DNAJC24: variants seen among roughly 807,000 people sequenced by gnomAD.
DNAJC24 encodes the protein DnaJ heat shock protein family (Hsp40) member C24.
Under a neutral mutation model 18.0 loss-of-function variants are expected in DNAJC24, and 17 were observed. The ratio of observed to expected loss-of-function variants is 0.94; its 90% CI spans 0.65 to 1.42. DNAJC24 has a LOEUF of 1.42. Among genes scored for constraint, DNAJC24 ranks in the 40% most tolerant of loss-of-function variants. The probability of loss-of-function intolerance (pLI) is 0.00; values close to 1 mark genes in which losing one functional copy is unlikely to be tolerated. For synonymous variants in DNAJC24, 55 were observed against 57.7 expected, an observed-to-expected ratio of 0.95 and a Z score of 0.21; for missense variants, 158 against 175.6, an observed-to-expected ratio of 0.90 and a Z score of 0.57.
chr11:31,389,663 C>T (rs1272280061), intron 2 of DNAJC24, among the ~76,000 whole-genome samples: 1 of 152,180 alleles, frequency 6.6e-6, no homozygotes, highest in African/African-American at 2.4e-5. Context: ...ATGGACCTAC[C>T]TGATAGATAT....
chr11:31,380,730 C>T (rs1054294256), intron 2 of DNAJC24, among the ~76,000 whole-genome samples: 6 of 152,128 alleles, frequency 3.9e-5, no homozygotes, highest in African/African-American at 1.4e-4. Context: ...TGAGTCTTGA[C>T]TACATGTATG....
At chr11:31,422,588 A>G (rs1329353120) in intron 3 of DNAJC24, among the ~76,000 whole-genome samples, 1 of 152,162 alleles carries the variant, frequency 6.6e-6, no homozygotes, top group African/African-American at 2.4e-5. Flanking sequence ...TTTTCTAGAT[A>G]CCTATTAAAA....
At chr11:31,400,978 A>T (rs1414163636) in intron 2 of DNAJC24, among the ~76,000 whole-genome samples, 1 of 152,246 alleles carries the variant, frequency 6.6e-6, no homozygotes, top group African/African-American at 2.4e-5. Flanking sequence ...GAATCTACCC[A>T]TCTGACAAAG....
intron 4 of DNAJC24, among the ~76,000 whole-genome samples, chr11:31,429,253 C>T (rs1591925331): frequency 6.6e-6 from 1 of 150,412 alleles, no homozygotes; most frequent in East Asian, 1.9e-4. Flanking sequence ...ATAAAGTTAG[C>T]TTATTTAATT....
chr11:31,427,826 A>G (rs1952877944), intron 4 of DNAJC24: 1 of 151,734 alleles, frequency 6.6e-6, no homozygotes, highest in African/African-American at 2.4e-5. Flanking sequence ...TTAAGATCTT[A>G]ATTTTAAATG....
At chr11:31,421,820 A>G (rs1012526627) in intron 3 of DNAJC24, among the ~76,000 whole-genome samples, 4 of 151,920 alleles carry the variant, frequency 2.6e-5, no homozygotes, top group Non-Finnish European at 4.4e-5. Flanking sequence ...AATGGAGCTG[A>G]AAAAAAACCT....
intron 3 of DNAJC24, among the ~76,000 whole-genome samples, chr11:31,417,588 T>C (rs1277011983): frequency 1.3e-5 from 2 of 152,144 alleles, no homozygotes; most frequent in Non-Finnish European, 2.9e-5. Flanking sequence ...AGCTTTGTTA[T>C]ACAGAACTCT....
intron 3 of DNAJC24, among the ~76,000 whole-genome samples, chr11:31,424,492 T>C (rs1435803008): frequency 3.3e-5 from 5 of 152,190 alleles, no homozygotes; most frequent in Non-Finnish European, 7.4e-5. Flanking sequence ...AGAAGAATTT[T>C]TTAAAAATAG....
chr11:31,372,119 G>A (rs934659969), intron 2 of DNAJC24, among the ~76,000 whole-genome samples: 2 of 151,424 alleles, frequency 1.3e-5, no homozygotes, highest in Non-Finnish European at 2.9e-5. Flanking sequence ...CACTGCACCC[G>A]GCCGACTCTT....
intron 3 of DNAJC24, chr11:31,417,287 A>T (rs569950464): frequency 2.0e-5 from 3 of 152,250 alleles, no homozygotes; most frequent in South Asian, 2.1e-4. Context: ...TAAGCCTTTC[A>T]TACCAGAGCT....
At chr11:31,403,565 GT>G (rs1353110158) in intron 2 of DNAJC24, among the ~76,000 whole-genome samples, 1 of 152,174 alleles carries the variant, frequency 6.6e-6, no homozygotes, top group East Asian at 1.9e-4. Context: ...AATACTTGGG[GT>G]CAGCATAAAA....
At chr11:31,378,934 T>G (rs1564946563) in intron 2 of DNAJC24, among the ~76,000 whole-genome samples, 1 of 152,162 alleles carries the variant, frequency 6.6e-6, no homozygotes, top group African/African-American at 2.4e-5. Flanking sequence ...TTCATTTTCT[T>G]TTATCTTAGC....
chr11:31,418,345 C>A (rs1234688066), intron 3 of DNAJC24, among the ~76,000 whole-genome samples: 2 of 152,028 alleles, frequency 1.3e-5, no homozygotes, highest in East Asian at 3.9e-4. Context: ...GATTTTGTTG[C>A]CTTTATAAAT....
rs1197753637 is a variant in DNAJC24, at chr11:31,431,509, G to A, written c.*1108G>A. The A allele has an allele frequency of 1.3e-5, 2 of 148,804 alleles. No homozygotes were observed. The highest frequency in any genetic ancestry group is 3.0e-5 in the Non-Finnish European group (2 of 67,156). 9.2% of individuals were successfully genotyped at this position (148,804 alleles called of 1,614,324 possible). On this transcript the variant is annotated 3_prime_UTR_variant, in exon 5 of 5. Transcript: ENST00000465995. ...GGTGCATTATTTCCCCTTTTATTTT[G>A]GAGTGTTGATATAATATTGGGGCCA...
At chr11:31,410,087 T>C (rs1952693600) in intron 2 of DNAJC24, among the ~76,000 whole-genome samples, 1 of 152,040 alleles carries the variant, frequency 6.6e-6, no homozygotes, top group Non-Finnish European at 1.5e-5. Context: ...TTCACCATGG[T>C]GGTCAGGCTA....
intron 4 of DNAJC24, among the ~76,000 whole-genome samples, chr11:31,429,279 G>C (rs1952895300): frequency 6.6e-6 from 1 of 150,792 alleles, no homozygotes; most frequent in South Asian, 2.1e-4. Context: ...TTTTTCCAAG[G>C]CTGAACTTGA....
At chr11:31,390,581 C>G (rs1296252310) in intron 2 of DNAJC24, among the ~76,000 whole-genome samples, 1 of 151,292 alleles carries the variant, frequency 6.6e-6, no homozygotes, top group Non-Finnish European at 1.5e-5. Context: ...TGGCGCATGC[C>G]TGTAGTCCCA....
intron 3 of DNAJC24, among the ~76,000 whole-genome samples, chr11:31,422,646 CTT>C (rs1272426576): frequency 2.6e-5 from 4 of 152,212 alleles, no homozygotes; most frequent in African/African-American, 7.2e-5. Flanking sequence ...AGAAAACTAA[CTT>C]ATCTGTTTTG....
At chr11:31,425,172 T>C (rs1564958960) in intron 3 of DNAJC24, among the ~76,000 whole-genome samples, 1 of 152,118 alleles carries the variant, frequency 6.6e-6, no homozygotes, top group Non-Finnish European at 1.5e-5. Flanking sequence ...GGACCTTCCA[T>C]CTGCAGCAAA....
Sources: gnomAD v4.1 joint callset for allele counts (sites outside exome capture counted in the v4.1 genomes callset) on GRCh38, gnomAD v4.1.1 for gene constraint, MANE v1.5 for transcripts, NCBI Gene and HGNC (gene_info 2026-07-23, HGNC 2026-07-21) for gene names.